GIGYF2: variants seen among roughly 807,000 people sequenced by gnomAD.
The protein encoded by GIGYF2 is GRB10-interacting GYF protein 2.
Under a neutral mutation model 208.1 loss-of-function variants are expected in GIGYF2, and 25 were observed. The observed-to-expected ratio is 0.12, with a 90% CI of 0.09 to 0.17. The LOEUF is 0.17. Ranked by LOEUF, GIGYF2 falls within the 10% of genes least tolerant of loss-of-function variation. GIGYF2 has a pLI of 1.00. For synonymous variants in GIGYF2, 534 were observed against 543.8 expected, an observed-to-expected ratio of 0.98 and a Z score of 0.25; for missense variants, 1,302 against 1,579.4, an observed-to-expected ratio of 0.82 and a Z score of 2.98.
intron 27 of GIGYF2, 104 bp from the exon 28 acceptor site, chr2:232,850,158 T>G (rs1480845716): frequency 9.9e-7 from 1 of 1,008,088 alleles, no homozygotes; most frequent in African/African-American, 1.6e-5. Flanking sequence ...GTTTTTCTGC[T>G]TTTAAGCTCA....
At position 232,768,749 on chromosome 2, in the gene GIGYF2, T is replaced by C. The variant is rs754251177; in HGVS notation, c.532+7313T>C. 2.4e-5 allele frequency: 38 copies of C among 1,601,520 alleles called. No individual in the cohort carries two copies. Among genetic ancestry groups the C allele is most frequent in the Non-Finnish European group, 2.9e-5 (34 of 1,170,362 alleles). ...TGCCATCCATGTGAGCTACTACTGC[T>C]GTGTCAGTAAAGCGAATTGAAAAAG... On this transcript the variant is annotated intron_variant, in intron 8 of 28. Transcript: ENST00000373563.
At chr2:232,828,938 T>C (rs1028984223) in intron 21 of GIGYF2, among the ~76,000 whole-genome samples, 3 of 152,140 alleles carry the variant, frequency 2.0e-5, no homozygotes, top group African/African-American at 7.2e-5. Flanking sequence ...TATTTCTCAA[T>C]TGTTGAGTGT....
rs1553616913 is a variant in GIGYF2, at chr2:232,814,577, CA to C, written c.2108-1051del. 6.9e-3 allele frequency among the ~76,000 whole-genome samples: 895 copies of C among 129,986 alleles called. 22 individuals are homozygous for C. The highest frequency in any genetic ancestry group is 0.024 in the African/African-American group (846 of 35,028). 85.3% of individuals were successfully genotyped at this position (129,986 alleles called of 152,430 possible). A position where few individuals can be genotyped will look rare whatever the true frequency, so the allele number is the denominator to read the frequency against. Reference sequence around the variant, plus strand: ...GACTCCACCTCAAACCCCCCCCCCCCAAAAAAAAAGTACCTTCAGGCTATGT... The same window carrying C: ...GACTCCACCTCAAACCCCCCCCCCCCAAAAAAAAGTACCTTCAGGCTATGT... On this transcript the variant is annotated intron_variant, in intron 18 of 28. Coordinates refer to ENST00000373563, the MANE Select transcript of GIGYF2 (RefSeq NM_001103146.3).
chr2:232,776,383 A>C, intron 8 of GIGYF2: 2 of 1,312,128 alleles, frequency 1.5e-6, no homozygotes, highest in Non-Finnish European at 2.2e-6. Context: ...GCTATTTGCC[A>C]GTCAGTTTCT....
intron 18 of GIGYF2, among the ~76,000 whole-genome samples, chr2:232,815,207 C>T (rs1362917608): frequency 2.0e-5 from 3 of 147,946 alleles, no homozygotes; most frequent in African/African-American, 7.3e-5. Flanking sequence ...CTACTTCTCT[C>T]TAGTTGGTGT....
intron 2 of GIGYF2, among the ~76,000 whole-genome samples, chr2:232,727,086 TC>T (rs1178184330): frequency 6.6e-6 from 1 of 152,128 alleles, no homozygotes; most frequent in Non-Finnish European, 1.5e-5. Flanking sequence ...TGCCTCAGCT[TC>T]CTGAGTAACT....
chr2:232,726,582 A>G (rs1574803363), intron 2 of GIGYF2, among the ~76,000 whole-genome samples: 1 of 152,106 alleles, frequency 6.6e-6, no homozygotes, highest in Non-Finnish European at 1.5e-5. Context: ...CAAAAATATA[A>G]AAGTTAAAAA....
chr2:232,855,502 A>G (rs1690530750), intron 28 of GIGYF2, among the ~76,000 whole-genome samples: 1 of 152,110 alleles, frequency 6.6e-6, no homozygotes, highest in Non-Finnish European at 1.5e-5. Context: ...TTGCAGATAT[A>G]TTTACAGTAG....
chr2:232,815,388 T>C (rs554097573), intron 18 of GIGYF2, among the ~76,000 whole-genome samples: 14 of 152,274 alleles, frequency 9.2e-5, no homozygotes, highest in Admixed American at 5.9e-4. Flanking sequence ...ATAGAAACAT[T>C]ATAGGGCTTT....
chr2:232,781,085 G>C (rs1480079054), intron 8 of GIGYF2, among the ~76,000 whole-genome samples: 1 of 152,032 alleles, frequency 6.6e-6, no homozygotes, highest in Non-Finnish European at 1.5e-5. Context: ...AGCCTCCTGA[G>C]TAGCTGGGAC....
rs1698708782 is a variant in GIGYF2 at position 232,760,527 on chromosome 2, G to A, written c.427G>A (p.Val143Ile). 1.2e-6 allele frequency: 2 copies of A among 1,613,824 alleles called. No individual in the cohort carries two copies. The highest frequency in any genetic ancestry group is 1.7e-6 in the Non-Finnish European group (2 of 1,179,858). ...TTTCTACCAAAGAAGTTTTGATGAA[G>A]TAGAGGGTGTTTTTGGTCGAGGAGG... ...CGFYQRSFDE[V>I]EGVFGRGGGR... Residue 143 changes from valine to isoleucine, a missense_variant, in exon 7 of 29, where the codon GTA (valine) becomes ATA (isoleucine). Coordinates refer to ENST00000373563, the MANE Select transcript of GIGYF2 (RefSeq NM_001103146.3).
At position 232,816,854 on chromosome 2, in the gene GIGYF2, C is replaced by G. The variant is rs1270898293; in HGVS notation, c.2209-17C>G. ...GCTTGGTTTCAAGTTTCTAAGAGTACTCTTGTGTAATCACAGCTAGAGCAA... is the reference window on the plus strand; with the variant it reads ...GCTTGGTTTCAAGTTTCTAAGAGTAGTCTTGTGTAATCACAGCTAGAGCAA... On this transcript the variant is annotated splice_polypyrimidine_tract_variant and intron_variant, in intron 19 of 28. Transcript: ENST00000373563. 1.9e-6 allele frequency: 3 copies of G among 1,602,426 alleles called. No individual in the cohort carries two copies. In the Admixed American group the frequency reaches 5.0e-5, roughly 27 times the overall value.
At chr2:232,855,920 AG>A (rs1365992223) in intron 28 of GIGYF2, among the ~76,000 whole-genome samples, 10 of 119,920 alleles carry the variant, frequency 8.3e-5, no homozygotes, top group African/African-American at 2.9e-4. Flanking sequence ...AGTGGTTTGC[AG>A]GGGGTTTTTT....
chr2:232,774,363 T>C (rs188039014), intron 8 of GIGYF2, among the ~76,000 whole-genome samples: 3 of 152,286 alleles, frequency 2.0e-5, no homozygotes, highest in East Asian at 1.9e-4. Context: ...GAAACAGATA[T>C]TCAGTTAGGA....
chr2:232,742,123 T>A (rs1244269226), intron 3 of GIGYF2, among the ~76,000 whole-genome samples: 1 of 152,176 alleles, frequency 6.6e-6, no homozygotes, highest in East Asian at 1.9e-4. Flanking sequence ...AGGAACTGAT[T>A]TAAGAGAGGA....
At chr2:232,855,080 CTTTTTTTTTTTTTTTTTT>C (rs201395041) in intron 28 of GIGYF2, among the ~76,000 whole-genome samples, 5 of 109,190 alleles carry the variant, frequency 4.6e-5, no homozygotes, top group Non-Finnish European at 8.8e-5. Flanking sequence ...CTTTTTCTTT[CTTTTTTTTTTTTTTTTTT>C]TTTTTTGAGA....
intron 1 of GIGYF2, among the ~76,000 whole-genome samples, chr2:232,700,382 C>T (rs1249759820): frequency 6.6e-6 from 1 of 152,148 alleles, no homozygotes; most frequent in Non-Finnish European, 1.5e-5. Flanking sequence ...TTGACCTTCA[C>T]ATTGGAAGAT....
intron 14 of GIGYF2, among the ~76,000 whole-genome samples, chr2:232,803,682 T>TCCCATAGATCAC (rs1417159519): frequency 2.1e-5 from 2 of 94,308 alleles, no homozygotes; most frequent in Non-Finnish European, 4.2e-5. Flanking sequence ...TTCTTTTTTT[T>TCCCATAGATCAC]TTTTTTTTTT....
chr2:232,725,960 A>T (rs1304230556), intron 2 of GIGYF2, among the ~76,000 whole-genome samples: 1 of 152,252 alleles, frequency 6.6e-6, no homozygotes, highest in African/African-American at 2.4e-5. Context: ...TACTTGTAAA[A>T]GTTTGGAGAC....
Sources: gnomAD v4.1 joint callset for allele counts (sites outside exome capture counted in the v4.1 genomes callset) on GRCh38, gnomAD v4.1.1 for gene constraint, MANE v1.5 for transcripts, NCBI Gene and HGNC (gene_info 2026-07-23, HGNC 2026-07-21) for gene names.